The following TM2D1 variants were observed in gnomAD, a reference collection of about 807,000 sequenced individuals.
The protein encoded by TM2D1 is TM2 domain containing 1, also known as TM2 domain-containing protein 1.
TM2D1 carries 15 observed loss-of-function variants against 28.4 expected under a neutral mutation model. That is an observed-to-expected ratio of 0.53 (90% CI 0.35 to 0.81). TM2D1 has a LOEUF of 0.81. Ranked by LOEUF, TM2D1 falls within the 40% of genes least tolerant of loss-of-function variation. TM2D1 has a pLI of 0.01. For synonymous variants in TM2D1, 93 were observed against 96.2 expected (o/e 0.97, Z 0.20); for missense variants, 236 against 254.9 (o/e 0.93, Z 0.50).
chr1:61,717,268 TGA>T (rs1320456508), intron 2 of TM2D1, among the ~76,000 whole-genome samples: 2 of 151,292 alleles, frequency 1.3e-5, no homozygotes. Flanking sequence ...CTTGGGAGGC[TGA>T]GGCTGGATAA....
intron 2 of TM2D1, among the ~76,000 whole-genome samples, chr1:61,718,731 G>C (rs1466107557): frequency 6.6e-6 from 1 of 152,176 alleles, no homozygotes; most frequent in Non-Finnish European, 1.5e-5. Context: ...TTACAGCGTG[G>C]AATGTATATC....
At chr1:61,711,883 T>C (rs1644481939) in intron 2 of TM2D1, among the ~76,000 whole-genome samples, 1 of 151,960 alleles carries the variant, frequency 6.6e-6, no homozygotes, top group African/African-American at 2.4e-5. Context: ...TGAAAGGAGA[T>C]CAACATGGTT....
At chr1:61,709,660 A>G (rs1644463696) in intron 2 of TM2D1, among the ~76,000 whole-genome samples, 1 of 152,214 alleles carries the variant, frequency 6.6e-6, no homozygotes, top group Admixed American at 6.5e-5. Flanking sequence ...AAGAGTTGCC[A>G]CACTGGACTA....
intron 3 of TM2D1, among the ~76,000 whole-genome samples, chr1:61,702,613 C>T (rs1453604740): frequency 1.3e-5 from 2 of 150,844 alleles, no homozygotes; most frequent in African/African-American, 4.9e-5. Context: ...AGTGACCCAC[C>T]CGCCTTGGCC....
At chr1:61,693,005 G>A (rs930859161) in intron 5 of TM2D1, among the ~76,000 whole-genome samples, 3 of 152,158 alleles carry the variant, frequency 2.0e-5, no homozygotes, top group African/African-American at 7.2e-5. Flanking sequence ...CCCTTTGGAA[G>A]GCTGAGGTGG....
At position 61,681,161 on chromosome 1, in the gene TM2D1, C is replaced by T. The variant is rs578077460; in HGVS notation, c.*209G>A. 2.6e-5 allele frequency: 4 copies of T among 153,420 alleles called. No homozygotes were observed. Among genetic ancestry groups the T allele is most frequent in the East Asian group, 1.9e-4 (1 of 5,168 alleles). 9.5% of individuals were successfully genotyped at this position (153,420 alleles called of 1,614,324 possible). On this transcript the variant is annotated 3_prime_UTR_variant, in exon 7 of 7. Transcript: ENST00000606498. ...GCTATCTCTCATAGAGACAGAAGCC[C>T]GAGAAACACTATTATACAGCTTTCA...
intron 2 of TM2D1, among the ~76,000 whole-genome samples, chr1:61,717,242 C>A (rs930953640): frequency 6.6e-6 from 1 of 151,560 alleles, no homozygotes; most frequent in Non-Finnish European, 1.5e-5. Context: ...GTGGCGGGCA[C>A]CTCTAGTCCC....
chr1:61,691,981 A>C (rs1328896530), intron 5 of TM2D1, among the ~76,000 whole-genome samples: 4 of 142,888 alleles, frequency 2.8e-5, no homozygotes, highest in Admixed American at 1.4e-4. Context: ...ATGGCACAAA[A>C]TAATGAGTGT....
intron 2 of TM2D1, among the ~76,000 whole-genome samples, chr1:61,722,267 CATA>C (rs907706855): frequency 1.3e-5 from 2 of 152,148 alleles, no homozygotes; most frequent in African/African-American, 4.8e-5. Flanking sequence ...GCCTGGGTGA[CATA>C]ATGAGACACC....
At chr1:61,724,837 G>A (rs1644593202) in intron 1 of TM2D1, 120 bp downstream of exon 1, 2 of 1,119,108 alleles carry the variant, frequency 1.8e-6, no homozygotes, top group Admixed American at 6.2e-5. Context: ...GTCATTAGAA[G>A]CCACAGATCA....
At chr1:61,714,163 G>T (rs1644500191) in intron 2 of TM2D1, among the ~76,000 whole-genome samples, 1 of 148,640 alleles carries the variant, frequency 6.7e-6, no homozygotes, top group South Asian at 2.1e-4. Flanking sequence ...CCAAAGTGCT[G>T]GGATTACAGG....
intron 2 of TM2D1, among the ~76,000 whole-genome samples, chr1:61,717,277 A>T (rs1644529364): frequency 6.6e-6 from 1 of 151,902 alleles, no homozygotes; most frequent in African/African-American, 2.4e-5. Context: ...CTGAGGCTGG[A>T]TAATGGCGTG....
intron 2 of TM2D1, among the ~76,000 whole-genome samples, chr1:61,712,165 G>C (rs1277718859): frequency 6.6e-6 from 1 of 151,814 alleles, no homozygotes; most frequent in Non-Finnish European, 1.5e-5. Flanking sequence ...TACAGACCAG[G>C]GATACTCATA....
intron 2 of TM2D1, among the ~76,000 whole-genome samples, chr1:61,717,006 T>C (rs1174257002): frequency 6.6e-6 from 1 of 152,164 alleles, no homozygotes; most frequent in African/African-American, 2.4e-5. Context: ...ATGCTAACAC[T>C]GATTTCAGCA....
chr1:61,698,997 T>C (rs1211566586), intron 4 of TM2D1: 2 of 152,122 alleles, frequency 1.3e-5, no homozygotes, highest in African/African-American at 2.4e-5. Context: ...AATGCCTAAA[T>C]TCCTTAACCT....
At chr1:61,691,932 A>AAAAAAAAAAATATATATATAT in intron 5 of TM2D1, among the ~76,000 whole-genome samples, 1 of 76,398 alleles carries the variant, frequency 1.3e-5, no homozygotes, top group Admixed American at 1.7e-4. Context: ...AAAAAAAAAA[A>AAAAAAAAAAATATATATATAT]ATATATATAT....
chr1:61,695,149 C>A (rs1029214662), intron 4 of TM2D1, among the ~76,000 whole-genome samples: 5 of 151,790 alleles, frequency 3.3e-5, no homozygotes, highest in African/African-American at 1.2e-4. Context: ...CATTATGTGA[C>A]CCAAAATTTA....
At position 61,694,641 on chromosome 1, in the gene TM2D1, C is replaced by G. The variant is rs767522315; in HGVS notation, c.513+56G>C. ...AAACATTTTAAATAGAACAGGAGAT[C>G]ACAGAACTCAATTTTGAATGTAAAA... On this transcript the variant is annotated intron_variant, in intron 5 of 6. Transcript: ENST00000606498. 27 of 1,215,582 alleles carry G rather than the reference C, an allele frequency of 2.2e-5. No homozygotes were observed. The Middle Eastern group carries it at 5.7e-4, about 26-fold the overall frequency. 75.3% of individuals were successfully genotyped at this position (1,215,582 alleles called of 1,614,324 possible).
intron 2 of TM2D1, among the ~76,000 whole-genome samples, chr1:61,720,503 A>C (rs1307055438): frequency 6.6e-6 from 1 of 152,118 alleles, no homozygotes; most frequent in Non-Finnish European, 1.5e-5. Flanking sequence ...CAGCCTCCCA[A>C]AGTGATGGGA....
Sources: gnomAD v4.1 joint callset for allele counts (sites outside exome capture counted in the v4.1 genomes callset) on GRCh38, gnomAD v4.1.1 for gene constraint, MANE v1.5 for transcripts, NCBI Gene and HGNC (gene_info 2026-07-23, HGNC 2026-07-21) for gene names.